The following PRKAG2 variants were observed in gnomAD, a reference collection of about 807,000 sequenced individuals.
PRKAG2 encodes the protein protein kinase AMP-activated non-catalytic subunit gamma 2, also known as 5'-AMP-activated protein kinase subunit gamma-2.
PRKAG2 carries 26 observed loss-of-function variants against 69.6 expected under a neutral mutation model. The observed-to-expected ratio is 0.37, with a 90% confidence interval of 0.27 to 0.52. The LOEUF (loss-of-function observed/expected upper bound fraction) is 0.52. PRKAG2 is among the 20% of genes least tolerant of loss of function. The pLI is 0.90. For synonymous variants in PRKAG2, 293 were observed against 285.0 expected (o/e 1.03, Z -0.28); for missense variants, 557 against 740.0 (o/e 0.75, Z 2.87).
At chr7:151,592,972 A>T (rs185302092) in intron 6 of PRKAG2, among the ~76,000 whole-genome samples, 10 of 152,294 alleles carry the variant, frequency 6.6e-5, no homozygotes, top group Middle Eastern at 3.4e-3. Flanking sequence ...GCTCCTCTCA[A>T]CTTAGAGGCT....
intron 4 of PRKAG2, among the ~76,000 whole-genome samples, chr7:151,671,439 A>T (rs1422217618): frequency 6.6e-6 from 1 of 152,226 alleles, no homozygotes; most frequent in East Asian, 1.9e-4. Context: ...TCAGCCAAGC[A>T]CATAAGGAAC....
chr7:151,843,099 T>C (rs2079349866), intron 1 of PRKAG2, among the ~76,000 whole-genome samples: 1 of 152,048 alleles, frequency 6.6e-6, no homozygotes, highest in South Asian at 2.1e-4. Flanking sequence ...AGTGTCTATA[T>C]ATCTATGTGC....
chr7:151,559,942 G>A, intron 15 of PRKAG2: 1 of 985,370 alleles, frequency 1.0e-6, no homozygotes, highest in Non-Finnish European at 1.2e-6. Context: ...AGCTCCTCTT[G>A]TCTAAAGCCC....
chr7:151,691,870 A>G (rs1248647100), intron 3 of PRKAG2, among the ~76,000 whole-genome samples: 1 of 152,232 alleles, frequency 6.6e-6, no homozygotes, highest in East Asian at 1.9e-4. Context: ...CAGTGGCTCT[A>G]TTCATAGTTG....
chr7:151,566,328 C>T (rs1004051737), intron 11 of PRKAG2, among the ~76,000 whole-genome samples: 5 of 152,160 alleles, frequency 3.3e-5, no homozygotes, highest in Non-Finnish European at 7.3e-5. Context: ...AAGCATTTGA[C>T]GGCAGCTGTC....
intron 1 of PRKAG2, among the ~76,000 whole-genome samples, chr7:151,832,227 GGAAGGAGA>G (rs147336595): frequency 0.34 from 40,402 of 118,790 alleles, 6,835 homozygotes; most frequent in Middle Eastern, 0.5. Context: ...AGGGGAGGAG[GGAAGGAGA>G]GGAGGAGGGA....
At position 151,663,778 on chromosome 7, in the gene PRKAG2, T is replaced by C. The variant is rs140356265; in HGVS notation, c.684+11642A>G. Reference sequence around the variant, plus strand: ...TTTAGTGAGGCAAAGCACTACTGTTTGTCCCTTGCCTTTCTGGGGATGAGA... The same window carrying C: ...TTTAGTGAGGCAAAGCACTACTGTTCGTCCCTTGCCTTTCTGGGGATGAGA... On this transcript the variant is annotated intron_variant, in intron 4 of 15. Transcript: ENST00000287878. 1.7e-4 allele frequency among the ~76,000 whole-genome samples: 26 copies of C among 152,360 alleles called. No homozygotes were observed. The East Asian group carries it at 4.8e-3, about 28-fold the overall frequency.
chr7:151,726,794 C>T (rs1798052669), intron 3 of PRKAG2, among the ~76,000 whole-genome samples: 1 of 152,136 alleles, frequency 6.6e-6, no homozygotes, highest in South Asian at 2.1e-4. Flanking sequence ...GTGCTGGCTA[C>T]ACAAGGGTGT....
chr7:151,844,283 G>A (rs991901211), intron 1 of PRKAG2, among the ~76,000 whole-genome samples: 4 of 152,190 alleles, frequency 2.6e-5, no homozygotes, highest in South Asian at 2.1e-4. Flanking sequence ...TGTAAAATGG[G>A]AAGATCATAC....
At chr7:151,766,056 T>C (rs1253793269) in intron 3 of PRKAG2, among the ~76,000 whole-genome samples, 1 of 152,160 alleles carries the variant, frequency 6.6e-6, no homozygotes, top group Non-Finnish European at 1.5e-5. Flanking sequence ...GGAACTGTAA[T>C]AAACAGCAAT....
chr7:151,644,400 T>A (rs937142944), intron 4 of PRKAG2, among the ~76,000 whole-genome samples: 1 of 152,238 alleles, frequency 6.6e-6, no homozygotes, highest in Admixed American at 6.5e-5. Context: ...TATGTCACTA[T>A]AAATATTTCC....
chr7:151,841,326 G>C (rs540396275), intron 1 of PRKAG2, among the ~76,000 whole-genome samples: 1 of 152,132 alleles, frequency 6.6e-6, no homozygotes, highest in African/African-American at 2.4e-5. Context: ...TGATGGTAGT[G>C]ATGTTAGTGA....
chr7:151,702,775 A>G (rs1344541542), intron 3 of PRKAG2, among the ~76,000 whole-genome samples: 4 of 152,208 alleles, frequency 2.6e-5, no homozygotes, highest in African/African-American at 7.2e-5. Context: ...AGCCCCTAGG[A>G]TAGCAAAGTT....
chr7:151,766,879 C>T (rs1356894946), intron 3 of PRKAG2, among the ~76,000 whole-genome samples: 1 of 152,200 alleles, frequency 6.6e-6, no homozygotes, highest in African/African-American at 2.4e-5. Flanking sequence ...CATATCCATT[C>T]CTTGATAGTC....
intron 4 of PRKAG2, among the ~76,000 whole-genome samples, chr7:151,661,603 G>A (rs1017785521): frequency 6.6e-6 from 1 of 152,050 alleles, no homozygotes; most frequent in Non-Finnish European, 1.5e-5. Flanking sequence ...CTGTAATCAC[G>A]CTACGATGAG....
intron 4 of PRKAG2, among the ~76,000 whole-genome samples, chr7:151,670,142 G>C (rs891039418): frequency 2.0e-5 from 3 of 151,384 alleles, no homozygotes; most frequent in African/African-American, 7.3e-5. Context: ...ACACACACCT[G>C]TGCACACACC....
At chr7:151,748,468 T>G (rs1441791208) in intron 3 of PRKAG2, among the ~76,000 whole-genome samples, 1 of 152,134 alleles carries the variant, frequency 6.6e-6, no homozygotes, top group East Asian at 1.9e-4. Context: ...CCCTCCATTT[T>G]AATAGGACGT....
intron 4 of PRKAG2, among the ~76,000 whole-genome samples, chr7:151,666,306 A>G (rs6954399): frequency 0.23 from 34,403 of 152,124 alleles, 3,913 homozygotes; most frequent in Middle Eastern, 0.29. Flanking sequence ...CTAGTCCAAT[A>G]GGACTTGTGT....
chr7:151,773,023 A>AAGAAAG (rs1563639223), intron 3 of PRKAG2, among the ~76,000 whole-genome samples: 137 of 55,048 alleles, frequency 2.5e-3, no homozygotes, highest in African/African-American at 3.0e-3. Flanking sequence ...GAAAGAAAGA[A>AAGAAAG]AGAGAGAGAG....
Sources: allele counts gnomAD v4.1 joint callset (sites outside exome capture counted in the v4.1 genomes callset), GRCh38; gene constraint gnomAD v4.1.1; transcripts MANE v1.5; gene names NCBI Gene and HGNC (gene_info 2026-07-23, HGNC 2026-07-21).